MAGI1: variants seen among roughly 807,000 people sequenced by gnomAD.
MAGI1 encodes membrane associated guanylate kinase, WW and PDZ domain containing 1.
Under a neutral mutation model 139.9 loss-of-function variants are expected in MAGI1, and 58 were observed. The ratio of observed to expected loss-of-function variants is 0.41; its 90% CI spans 0.34 to 0.52. MAGI1 has a LOEUF of 0.52. Ranked by LOEUF, MAGI1 falls within the 20% of genes least tolerant of loss-of-function variation. The pLI is 0.12. For synonymous variants in MAGI1, 812 were observed against 737.9 expected, an observed-to-expected ratio of 1.10 and a Z score of -1.63; for missense variants, 1,874 against 1,901.6, an observed-to-expected ratio of 0.99 and a Z score of 0.27.
chr3:65,538,495 G>A (rs1400783651), intron 2 of MAGI1, among the ~76,000 whole-genome samples: 1 of 152,140 alleles, frequency 6.6e-6, no homozygotes. Flanking sequence ...TAACTATGCA[G>A]AAATCAATTC....
chr3:65,871,835 C>T (rs2059949168), intron 1 of MAGI1, among the ~76,000 whole-genome samples: 1 of 152,194 alleles, frequency 6.6e-6, no homozygotes, highest in South Asian at 2.1e-4. Context: ...TCCCTAACCC[C>T]ACGCAGTCAT....
chr3:65,787,900 T>A (rs923601672), intron 1 of MAGI1, among the ~76,000 whole-genome samples: 8 of 152,262 alleles, frequency 5.3e-5, no homozygotes, highest in Non-Finnish European at 1.2e-4. Context: ...CTCAGGATGG[T>A]TGAAACCAAG....
At chr3:65,908,639 A>G (rs2061534682) in intron 1 of MAGI1, among the ~76,000 whole-genome samples, 1 of 152,158 alleles carries the variant, frequency 6.6e-6, no homozygotes, top group African/African-American at 2.4e-5. Context: ...CATCTTCTAT[A>G]TTTTTCTCTC....
chr3:65,846,167 C>T (rs1039145334), intron 1 of MAGI1, among the ~76,000 whole-genome samples: 1 of 152,186 alleles, frequency 6.6e-6, no homozygotes, highest in African/African-American at 2.4e-5. Context: ...AATCCAGCAG[C>T]CACCAGCCCC....
chr3:66,003,583 G>C (rs527843216), intron 1 of MAGI1, among the ~76,000 whole-genome samples: 1 of 151,626 alleles, frequency 6.6e-6, no homozygotes, highest in Non-Finnish European at 1.5e-5. Context: ...TCAGCCTCCT[G>C]AGTAGCTGGG....
intron 5 of MAGI1, among the ~76,000 whole-genome samples, chr3:65,466,322 T>C (rs554055835): frequency 2.5e-4 from 38 of 152,262 alleles, no homozygotes; most frequent in Non-Finnish European, 3.5e-4. Flanking sequence ...TTAACATGGA[T>C]TTTTTGGTAT....
At chr3:65,883,084 C>G (rs1281004822) in intron 1 of MAGI1, among the ~76,000 whole-genome samples, 1 of 152,190 alleles carries the variant, frequency 6.6e-6, no homozygotes, top group African/African-American at 2.4e-5. Context: ...TTTATCTCCC[C>G]AGTTTCTTTT....
chr3:65,717,077 G>T (rs1399410864), intron 1 of MAGI1, among the ~76,000 whole-genome samples: 1 of 152,184 alleles, frequency 6.6e-6, no homozygotes, highest in African/African-American at 2.4e-5. Context: ...TGGATTATCT[G>T]GATGGGCAAA....
At chr3:65,464,233 C>T (rs959908789) in intron 5 of MAGI1, among the ~76,000 whole-genome samples, 1 of 152,010 alleles carries the variant, frequency 6.6e-6, no homozygotes, top group Non-Finnish European at 1.5e-5. Context: ...TGTTTTTCAG[C>T]TCTTGACAAT....
chr3:65,711,668 G>C (rs1395388362), intron 1 of MAGI1, among the ~76,000 whole-genome samples: 1 of 152,146 alleles, frequency 6.6e-6, no homozygotes, highest in Non-Finnish European at 1.5e-5. Flanking sequence ...GGTGTCCTGA[G>C]AAAAAGAGGA....
chr3:65,829,590 G>A (rs1366502342), intron 1 of MAGI1, among the ~76,000 whole-genome samples: 1 of 152,174 alleles, frequency 6.6e-6, no homozygotes, highest in Non-Finnish European at 1.5e-5. Context: ...AATTTCTCAT[G>A]CTTGTAAATT....
intron 1 of MAGI1, among the ~76,000 whole-genome samples, chr3:65,800,653 T>C (rs765211618): frequency 1.3e-5 from 2 of 150,978 alleles, no homozygotes; most frequent in Non-Finnish European, 3.0e-5. Context: ...AAAAAACTGA[T>C]GTAAGAAATT....
At chr3:65,894,730 A>G (rs2060902647) in intron 1 of MAGI1, among the ~76,000 whole-genome samples, 1 of 152,236 alleles carries the variant, frequency 6.6e-6, no homozygotes, top group African/African-American at 2.4e-5. Flanking sequence ...AATGAAGCCA[A>G]TGAGCTACAA....
chr3:66,019,803 C>T (rs1284417931), intron 1 of MAGI1, among the ~76,000 whole-genome samples: 1 of 152,174 alleles, frequency 6.6e-6, no homozygotes, highest in African/African-American at 2.4e-5. Flanking sequence ...TCCAATTTGA[C>T]CTTTCTCTAA....
At chr3:65,709,229 T>C (rs1027736696) in intron 1 of MAGI1, among the ~76,000 whole-genome samples, 3 of 152,190 alleles carry the variant, frequency 2.0e-5, no homozygotes, top group African/African-American at 7.2e-5. Flanking sequence ...AACGAGAAAA[T>C]ATGCAGCTCA....
chr3:65,714,616 G>T (rs1039117706), intron 1 of MAGI1, among the ~76,000 whole-genome samples: 2 of 151,814 alleles, frequency 1.3e-5, no homozygotes, highest in African/African-American at 4.8e-5. Flanking sequence ...TGTATAATAG[G>T]CTAAATTATT....
At chr3:65,950,122 T>A (rs1368626176) in intron 1 of MAGI1, among the ~76,000 whole-genome samples, 4 of 35,734 alleles carry the variant, frequency 1.1e-4, no homozygotes, top group Non-Finnish European at 1.8e-4. Flanking sequence ...CTAGCAATAT[T>A]ACTGTTTTTT....
Position 65,356,538 on chromosome 3 carries a change from C to T in MAGI1, c.4229G>A (p.Arg1410Lys). Residue 1410 changes from arginine (R) to lysine (K), a missense_variant, in exon 23 of 23, where the codon AGG becomes AAG. Around this residue, in one of 5 missense-constraint regions of MAGI1, gnomAD observed 653 missense variants for 644.5 expected, o/e 1.01. Coordinates refer to ENST00000402939, the MANE Select transcript of MAGI1 (RefSeq NM_001033057.2). Reference protein sequence around the residue: ...DRRRARSPERRRERSLDKRNR... With the variant: ...DRRRARSPERKRERSLDKRNR... ...CCTTTTGTCCAGGGACCGCTCTCTC[C>T]TGCGCTCGGGGGAGCGTGCGCGCCT... 1 of 1,610,250 alleles carries T rather than the reference C, an allele frequency of 6.2e-7. No homozygotes were observed. Among genetic ancestry groups the T allele is most frequent in the Non-Finnish European group, 8.5e-7 (1 of 1,179,858 alleles).
chr3:65,699,104 C>CA (rs2089421754), intron 1 of MAGI1, among the ~76,000 whole-genome samples: 1 of 112,756 alleles, frequency 8.9e-6, no homozygotes, highest in East Asian at 2.7e-4. Flanking sequence ...GACATTTATG[C>CA]AGCCAAAAAA....
Sources: gnomAD v4.1 joint callset for allele counts (sites outside exome capture counted in the v4.1 genomes callset) on GRCh38, gnomAD v4.1.1 for gene constraint, gnomAD v4.1.1 regional missense constraint, MANE v1.5 for transcripts, NCBI Gene and HGNC (gene_info 2026-07-23, HGNC 2026-07-21) for gene names.